Variants in MARCHF1 observed in about 807,000 individuals in gnomAD.
MARCHF1 encodes the protein E3 ubiquitin-protein ligase MARCHF1.
Under a neutral mutation model 54.2 loss-of-function variants are expected in MARCHF1, and 40 were observed. The ratio of observed to expected loss-of-function variants is 0.74; its 90% CI spans 0.57 to 0.96. MARCHF1 has a LOEUF of 0.96. Among genes scored for constraint, MARCHF1 ranks in the 40% least tolerant of loss-of-function variants. MARCHF1 has a pLI of 0.00. For missense variants in MARCHF1, 586 were observed against 656.5 expected, an observed-to-expected ratio of 0.89 and a Z score of 1.17; for synonymous variants, 236 against 236.3, an observed-to-expected ratio of 1.00 and a Z score of 0.01.
At chr4:164,355,810 C>T (rs1427533005) in intron 1 of MARCHF1, among the ~76,000 whole-genome samples, 1 of 106,624 alleles carries the variant, frequency 9.4e-6, no homozygotes, top group African/African-American at 3.1e-5. Flanking sequence ...AAAGAAACTA[C>T]CATCAGAGTG....
intron 2 of MARCHF1, among the ~76,000 whole-genome samples, chr4:164,039,654 T>C (rs1048592649): frequency 3.9e-5 from 6 of 152,052 alleles, no homozygotes; most frequent in Non-Finnish European, 5.9e-5. Flanking sequence ...ATCTTTTTCT[T>C]AAGACATTGT....
chr4:163,848,364 A>T (rs1462588663), intron 4 of MARCHF1, among the ~76,000 whole-genome samples: 1 of 152,086 alleles, frequency 6.6e-6, no homozygotes, highest in Non-Finnish European at 1.5e-5. Context: ...TTTTCTTTGT[A>T]ACTCCAGTCT....
chr4:164,139,477 T>C (rs1478702068), intron 1 of MARCHF1, among the ~76,000 whole-genome samples: 1 of 147,340 alleles, frequency 6.8e-6, no homozygotes, highest in Non-Finnish European at 1.5e-5. Context: ...CAGCAACAGC[T>C]GAGCTATCTA....
Position 163,769,276 on chromosome 4 carries a change from C to A in MARCHF1, c.112-68413G>T, listed in dbSNP as rs976946502. 2.0e-5 allele frequency among the ~76,000 whole-genome samples: 3 copies of A among 152,022 alleles called. No homozygotes were observed. The East Asian group carries it at 5.8e-4, about 29-fold the overall frequency. On this transcript the variant is annotated intron_variant, in intron 4 of 9. Transcript: ENST00000514618. ...TTGTCATAGTTCTGTTAAATTTGGC[C>A]AGAACACTGCTCATTCATTTTTATG...
intron 2 of MARCHF1, among the ~76,000 whole-genome samples, chr4:164,018,249 T>G (rs571934841): frequency 6.6e-6 from 1 of 151,966 alleles, no homozygotes; most frequent in East Asian, 1.9e-4. Flanking sequence ...TAAATTTTTT[T>G]TTGCTAAAAG....
chr4:163,594,759 A>AC (rs1560962635), intron 7 of MARCHF1, among the ~76,000 whole-genome samples: 14 of 65,698 alleles, frequency 2.1e-4, no homozygotes, highest in South Asian at 4.6e-4. Flanking sequence ...TCAAAACACA[A>AC]ACACACACAC....
At chr4:164,219,505 T>G (rs1303229618) in intron 1 of MARCHF1, among the ~76,000 whole-genome samples, 1 of 152,072 alleles carries the variant, frequency 6.6e-6, no homozygotes, top group African/African-American at 2.4e-5. Context: ...TCCAGTGTGT[T>G]TTACATTTAT....
intron 5 of MARCHF1, among the ~76,000 whole-genome samples, chr4:163,676,758 G>T (rs986374437): frequency 1.3e-5 from 2 of 151,534 alleles, no homozygotes; most frequent in African/African-American, 4.9e-5. Context: ...GTCCCAAAAA[G>T]AAATAATAAA....
chr4:163,649,238 G>A (rs537412104), intron 5 of MARCHF1, among the ~76,000 whole-genome samples: 3 of 151,900 alleles, frequency 2.0e-5, no homozygotes, highest in Non-Finnish European at 4.4e-5. Flanking sequence ...TAGGCTACTC[G>A]AGCCCTCACA....
At chr4:164,179,050 A>G (rs1173120156) in intron 1 of MARCHF1, among the ~76,000 whole-genome samples, 1 of 152,134 alleles carries the variant, frequency 6.6e-6, no homozygotes, top group African/African-American at 2.4e-5. Flanking sequence ...GTTGGCGGGC[A>G]GTGTGGTTGT....
intron 2 of MARCHF1, among the ~76,000 whole-genome samples, chr4:164,013,122 T>C (rs1204139613): frequency 6.6e-6 from 1 of 152,116 alleles, no homozygotes; most frequent in Non-Finnish European, 1.5e-5. Context: ...ATTGTTGTAT[T>C]GAGGAAGTTC....
intron 1 of MARCHF1, among the ~76,000 whole-genome samples, chr4:164,229,984 C>T (rs937133790): frequency 9.9e-5 from 15 of 152,266 alleles, no homozygotes; most frequent in African/African-American, 1.4e-4. Flanking sequence ...AGATCCAAAC[C>T]GTACCACCTG....
At chr4:163,945,323 A>G (rs1752002856) in intron 3 of MARCHF1, among the ~76,000 whole-genome samples, 1 of 152,150 alleles carries the variant, frequency 6.6e-6, no homozygotes, top group Non-Finnish European at 1.5e-5. Flanking sequence ...TACTACAAGG[A>G]GAAAATAAGA....
intron 1 of MARCHF1, among the ~76,000 whole-genome samples, chr4:164,161,392 G>A (rs904633660): frequency 2.0e-5 from 3 of 152,114 alleles, no homozygotes; most frequent in African/African-American, 4.8e-5. Context: ...AGAGCCATGA[G>A]CCAATCAAAC....
Position 164,218,319 on chromosome 4 carries a change from T to C in MARCHF1, c.-322-106657A>G, listed in dbSNP as rs561524935. ...AGTATTGAAACTTAAGTGGCATTTT[T>C]GTTCTTTTTCATCATGTAAATGGTC... On this transcript the variant is annotated intron_variant, in intron 1 of 9. Coordinates refer to ENST00000514618, the MANE Select transcript of MARCHF1 (RefSeq NM_001394959.1). 3.3e-5 allele frequency among the ~76,000 whole-genome samples: 5 copies of C among 152,264 alleles called. No individual in the cohort carries two copies. The South Asian group carries it at 1.0e-3, about 32-fold the overall frequency.
At chr4:164,312,319 C>CT (rs34613860) in intron 1 of MARCHF1, among the ~76,000 whole-genome samples, 36,928 of 103,166 alleles carry the variant, frequency 0.36, 7,556 homozygotes, top group Non-Finnish European at 0.46. Flanking sequence ...TTTTCTTTTT[C>CT]TTTTTTTTTT....
At chr4:163,728,101 A>G (rs560484958) in intron 4 of MARCHF1, among the ~76,000 whole-genome samples, 3 of 151,830 alleles carry the variant, frequency 2.0e-5, no homozygotes, top group African/African-American at 7.2e-5. Flanking sequence ...TCACAATACC[A>G]CACTGTAGCT....
chr4:163,994,734 CACACAT>C lies in MARCHF1; in HGVS notation c.-247-6031_-247-6026del, dbSNP rs1221473247. 3.3e-3 allele frequency among the ~76,000 whole-genome samples: 239 copies of C among 72,748 alleles called. 2 individuals carry two copies. Among genetic ancestry groups the C allele is most frequent in the African/African-American group, 0.011 (214 of 19,500 alleles). The allele number at this position is 72,748 out of a possible 152,430, so 47.7% of individuals were successfully genotyped here. ...CCTGGACCTAACAGTCCTAATCAAG[CACACAT>C]ACACACACACACACACACACACACA... is the stretch of plus-strand genomic sequence containing the variant. On this transcript the variant is annotated intron_variant, in intron 2 of 9. Coordinates refer to ENST00000514618, the MANE Select transcript of MARCHF1 (RefSeq NM_001394959.1).
chr4:164,321,302 T>C (rs1043248114), intron 1 of MARCHF1, among the ~76,000 whole-genome samples: 1 of 152,040 alleles, frequency 6.6e-6, no homozygotes, highest in African/African-American at 2.4e-5. Context: ...ACAAAGTAAT[T>C]TTAAAAATTA....
Sources: allele counts gnomAD v4.1 joint callset (sites outside exome capture counted in the v4.1 genomes callset), GRCh38; gene constraint gnomAD v4.1.1; transcripts MANE v1.5; gene names NCBI Gene and HGNC (gene_info 2026-07-23, HGNC 2026-07-21).